Variants in CPAMD8 observed in about 807,000 individuals in gnomAD.
The protein encoded by CPAMD8 is C3 and PZP like alpha-2-macroglobulin domain containing 8.
Under a neutral mutation model 224.7 loss-of-function variants are expected in CPAMD8, and 146 were observed. The observed-to-expected ratio is 0.65, with a 90% CI of 0.57 to 0.75. The LOEUF (loss-of-function observed/expected upper bound fraction) is 0.75. Ranked by LOEUF, CPAMD8 falls within the 30% of genes least tolerant of loss-of-function variation. The pLI, the probability that CPAMD8 is intolerant of heterozygous loss-of-function variation, is 0.00. For synonymous variants in CPAMD8, 966 were observed against 1,044.6 expected (o/e 0.92, Z 1.45); for missense variants, 2,301 against 2,537.5 (o/e 0.91, Z 2.00).
At chr19:16,993,043 G>A (rs534173270) in intron 12 of CPAMD8, among the ~76,000 whole-genome samples, 39 of 152,068 alleles carry the variant, frequency 2.6e-4, no homozygotes, top group Non-Finnish European at 5.1e-4. Context: ...TTCCAAAATG[G>A]CTCAATGTAG....
chr19:16,976,097 G>A lies in CPAMD8; in HGVS notation c.1813C>T (p.Arg605Trp), dbSNP rs571181371. The change falls in exon 16 of 42, where the codon CGG (arginine) becomes TGG (tryptophan). Residue 605 changes from arginine to tryptophan, a missense_variant. Physicochemically the swap from Arg to Trp is moderately radical, Grantham distance 101. Transcript: ENST00000443236. Reference sequence around the variant, plus strand: ...CAGCTGCCCCTTGCAGCCCTGATCCGCAGGTCGACAACCTCCCCAGGTTGG... The same window carrying A: ...CAGCTGCCCCTTGCAGCCCTGATCCACAGGTCGACAACCTCCCCAGGTTGG... ...ETQPGEVVDLRIRAARGSCVC... is the reference protein window; with the variant it reads ...ETQPGEVVDLWIRAARGSCVC... 106 of 1,612,388 alleles carry A rather than the reference G, an allele frequency of 6.6e-5. No homozygotes were observed. The highest frequency in any genetic ancestry group is 1.7e-4 in the Middle Eastern group (1 of 5,942).
intron 5 of CPAMD8, 187 bp from the exon 6 acceptor site, chr19:17,009,507 G>C (rs2056590172): frequency 1.0e-6 from 1 of 968,920 alleles, no homozygotes; most frequent in Non-Finnish European, 1.5e-6. Flanking sequence ...ATTACAGGTG[G>C]CTCATGCCTG....
At chr19:16,968,318 A>G (rs2122606168) in intron 18 of CPAMD8, among the ~76,000 whole-genome samples, 1 of 152,284 alleles carries the variant, frequency 6.6e-6, no homozygotes, top group East Asian at 1.9e-4. Context: ...GTGTGGCCCC[A>G]GCAGGAAGAG....
chr19:16,946,755 TTGTG>T (rs1162168376), intron 21 of CPAMD8, among the ~76,000 whole-genome samples: 41 of 135,140 alleles, frequency 3.0e-4, no homozygotes, highest in Admixed American at 2.2e-3. Context: ...GTGTGTGGAT[TTGTG>T]TGTGTGCATG....
At chr19:16,967,106 T>C (rs2054852400) in intron 18 of CPAMD8, among the ~76,000 whole-genome samples, 1 of 151,996 alleles carries the variant, frequency 6.6e-6, no homozygotes, top group African/African-American at 2.4e-5. Context: ...CCATCAATGA[T>C]AGACTGGATT....
chr19:17,002,689 G>A (rs1194154068), intron 8 of CPAMD8, among the ~76,000 whole-genome samples: 1 of 152,024 alleles, frequency 6.6e-6, no homozygotes, highest in East Asian at 1.9e-4. Flanking sequence ...GATAGAGGTG[G>A]CCCTGGGAGC....
At chr19:16,944,934 G>A (rs114028706) in intron 22 of CPAMD8, among the ~76,000 whole-genome samples, 1 of 152,306 alleles carries the variant, frequency 6.6e-6, no homozygotes, top group African/African-American at 2.4e-5. Flanking sequence ...GCTCTGATGT[G>A]TCCAAGCAGC....
chr19:16,988,219 C>T (rs1373385279), intron 13 of CPAMD8, among the ~76,000 whole-genome samples: 2 of 152,176 alleles, frequency 1.3e-5, no homozygotes, highest in Non-Finnish European at 2.9e-5. Context: ...GGCCCCATAG[C>T]AGCAGCTCTA....
intron 13 of CPAMD8, among the ~76,000 whole-genome samples, chr19:16,988,536 G>A (rs2122871450): frequency 6.6e-6 from 1 of 152,186 alleles, no homozygotes; most frequent in South Asian, 2.1e-4. Context: ...CTTGAACCCT[G>A]GAGACGGAAG....
chr19:16,896,049 A>G, intron 41 of CPAMD8, 127 bp downstream of exon 41: 2 of 1,032,288 alleles, frequency 1.9e-6, no homozygotes, highest in Non-Finnish European at 3.0e-6. Flanking sequence ...AGTCACTCCC[A>G]CTGCCAGTGG....
chr19:17,015,954 C>T (rs977420573), intron 3 of CPAMD8, among the ~76,000 whole-genome samples: 5 of 152,100 alleles, frequency 3.3e-5, no homozygotes, highest in African/African-American at 9.7e-5. Flanking sequence ...GCCTTCTTTC[C>T]GTGTTTAAAG....
chr19:17,012,073 GT>G (rs147509200), intron 3 of CPAMD8, among the ~76,000 whole-genome samples: 4,163 of 152,240 alleles, frequency 0.027, 182 homozygotes, highest in African/African-American at 0.095. Context: ...AGGCTGGAGT[GT>G]AGTGGCACTA....
chr19:16,904,530 C>G lies in CPAMD8; in HGVS notation c.4050G>C (p.Leu1350=), dbSNP rs371188239. Reference sequence around the variant, plus strand: ...CCTTGTCCACGTCCCAGGAATTTGACAGGCTCCAGTGGGTGACCCCATCTG... The same window carrying G: ...CCTTGTCCACGTCCCAGGAATTTGAGAGGCTCCAGTGGGTGACCCCATCTG... ...IMRDGVTHWS[L]SNSWDVDKGT... Residue 1350 remains leucine (L), a synonymous_variant, in exon 31 of 42, where the codon CTG becomes CTC. Coordinates refer to ENST00000443236, the MANE Select transcript of CPAMD8 (RefSeq NM_015692.5). The G allele has an allele frequency of 6.2e-7, 1 of 1,613,794 alleles. No homozygotes were observed. Among genetic ancestry groups the G allele is most frequent in the Non-Finnish European group, 8.5e-7 (1 of 1,179,772 alleles).
rs1472074259 is a variant in CPAMD8 at position 16,928,966 on chromosome 19, G to C, written c.3120C>G (p.Ile1040Met). The change falls in exon 24 of 42, where the codon ATC becomes ATG. Residue 1040 changes from isoleucine to methionine, a missense_variant. Transcript: ENST00000443236. Reference protein sequence around the residue: ...LSWDEFRTFWISWRGGLIQVG... With the variant: ...LSWDEFRTFWMSWRGGLIQVG... ...CCTGGATAAGGCCACCACGCCAGCT[G>C]ATCCAGAATGTTCTGAATTCATCCC... is the stretch of plus-strand genomic sequence containing the variant. 1 of 1,611,208 alleles carries C rather than the reference G, an allele frequency of 6.2e-7. No individual in the cohort carries two copies.
At chr19:16,984,108 A>T (rs1424469510) in intron 13 of CPAMD8, among the ~76,000 whole-genome samples, 3 of 152,140 alleles carry the variant, frequency 2.0e-5, no homozygotes, top group East Asian at 3.9e-4. Context: ...GGGAAAGCAT[A>T]GTCTTTTTAA....
Position 16,913,338 on chromosome 19 carries a change from T to A in CPAMD8, c.3861+1086A>T, listed in dbSNP as rs578175457. On this transcript the variant is annotated intron_variant, in intron 29 of 41. Transcript: ENST00000443236. ...GAGTTGGGGACCTTTGAGAGATAAT[T>A]AGGTTTAGACTGAGGTCACGAGGAT... 1.5e-4 allele frequency among the ~76,000 whole-genome samples: 23 copies of A among 152,088 alleles called. No individual in the cohort carries two copies. The East Asian group carries it at 4.4e-3, about 29-fold the overall frequency.
At chr19:16,954,519 G>A (rs944401323) in intron 19 of CPAMD8, among the ~76,000 whole-genome samples, 1 of 151,896 alleles carries the variant, frequency 6.6e-6, no homozygotes, top group African/African-American at 2.4e-5. Context: ...TCTACTTCTG[G>A]GTATACACCC....
In CPAMD8 at chr19:16,928,034, A is replaced by T; in HGVS notation, c.3345T>A (p.Ser1115=). 6.2e-7 allele frequency: 1 copy of T among 1,613,348 alleles called. No homozygotes were observed. Among genetic ancestry groups the T allele is most frequent in the Non-Finnish European group, 8.5e-7 (1 of 1,179,440 alleles). The change falls in exon 25 of 42, where the codon TCT becomes TCA. Residue 1115 remains serine (S), a synonymous_variant. Transcript: ENST00000443236. ...LGVPHGAIPG[S]ERATASIIGD... ...CGATGATGGAGGCGGTGGCTCGCTCAGACCCAGGGATGGCGCCGTGTGGGA... is the reference window on the plus strand; with the variant it reads ...CGATGATGGAGGCGGTGGCTCGCTCTGACCCAGGGATGGCGCCGTGTGGGA...
intron 27 of CPAMD8, among the ~76,000 whole-genome samples, chr19:16,918,232 T>A (rs1247395772): frequency 3.9e-5 from 6 of 152,080 alleles, no homozygotes; most frequent in Non-Finnish European, 7.4e-5. Flanking sequence ...TGACCTCAGG[T>A]GATCCGCCTA....
Sources: allele counts gnomAD v4.1 joint callset (sites outside exome capture counted in the v4.1 genomes callset), GRCh38; gene constraint gnomAD v4.1.1; transcripts MANE v1.5; gene names NCBI Gene and HGNC (gene_info 2026-07-23, HGNC 2026-07-21).